Variants in CD109 observed in about 807,000 individuals in gnomAD.
CD109 encodes the protein CD109 molecule.
A neutral mutation model predicts 165.8 loss-of-function variants in CD109; 149 were observed. The observed-to-expected ratio is 0.90, with a 90% CI of 0.79 to 1.03. CD109 has a LOEUF of 1.03. Among genes scored for constraint, CD109 ranks in the 50% least tolerant of loss-of-function variants. CD109 has a pLI of 0.00. For missense variants in CD109, 1,712 were observed against 1,677.8 expected (o/e 1.02, Z -0.36); for synonymous variants, 585 against 592.1 (o/e 0.99, Z 0.18).
At chr6:73,725,930 T>G (rs1772125837) in intron 3 of CD109, among the ~76,000 whole-genome samples, 1 of 152,244 alleles carries the variant, frequency 6.6e-6, no homozygotes, top group African/African-American at 2.4e-5. Flanking sequence ...ATTGAAAGCT[T>G]TATTAGAGAT....
chr6:73,748,007 G>A (rs1773041994), intron 5 of CD109, among the ~76,000 whole-genome samples: 1 of 151,808 alleles, frequency 6.6e-6, no homozygotes, highest in Admixed American at 6.6e-5. Context: ...GTAGCTGGGA[G>A]TACAGGCGTG....
At chr6:73,810,879 A>C in intron 27 of CD109, 113 bp from the exon 28 acceptor site, 1 of 1,024,874 alleles carries the variant, frequency 9.8e-7, no homozygotes, top group Non-Finnish European at 1.4e-6. Context: ...ATCAGGGAGC[A>C]TTCCACTCTG....
chr6:73,788,437 C>T, intron 21 of CD109, 31 bp from the exon 22 acceptor site: 1 of 1,592,752 alleles, frequency 6.3e-7, no homozygotes, highest in Non-Finnish European at 8.6e-7. Context: ...TGAGTAGAGA[C>T]CATGTTAATT....
intron 4 of CD109, among the ~76,000 whole-genome samples, chr6:73,735,475 G>C (rs1772507998): frequency 6.6e-6 from 1 of 151,866 alleles, no homozygotes; most frequent in Non-Finnish European, 1.5e-5. Context: ...CTGGATGTGA[G>C]GATGGAAAGA....
intron 5 of CD109, among the ~76,000 whole-genome samples, chr6:73,750,234 C>G (rs1188912550): frequency 6.6e-6 from 1 of 152,146 alleles, no homozygotes; most frequent in Non-Finnish European, 1.5e-5. Context: ...TCACCCATAT[C>G]AGTTCTAGGG....
At chr6:73,692,341 T>C (rs1413577193), upstream of CD109, among the ~76,000 whole-genome samples, 1 of 152,202 alleles carries the variant, frequency 6.6e-6, no homozygotes, top group Non-Finnish European at 1.5e-5. Flanking sequence ...AGAAGTTTTA[T>C]GCAAAAGAGC....
intron 5 of CD109, among the ~76,000 whole-genome samples, chr6:73,743,112 A>G (rs1772854416): frequency 6.6e-6 from 1 of 152,224 alleles, no homozygotes; most frequent in Non-Finnish European, 1.5e-5. Flanking sequence ...CTTTTTAGGT[A>G]ATCAGCTCAG....
At chr6:73,746,630 T>C (rs111896741) in intron 5 of CD109, among the ~76,000 whole-genome samples, 6,679 of 152,214 alleles carry the variant, frequency 0.044, 519 homozygotes, top group African/African-American at 0.15. Flanking sequence ...GTTTGTCCCT[T>C]GTACTGCATA....
chr6:73,758,888 C>G (rs1246223516), intron 6 of CD109, 56 bp from the exon 7 acceptor site: 1 of 877,338 alleles, frequency 1.1e-6, no homozygotes, highest in East Asian at 2.5e-5. Flanking sequence ...AAAGATTTAC[C>G]CTTGCTTCTT....
At chr6:73,814,388 G>A (rs1775857606) in intron 29 of CD109, among the ~76,000 whole-genome samples, 1 of 152,044 alleles carries the variant, frequency 6.6e-6, no homozygotes, top group African/African-American at 2.4e-5. Context: ...AGAAAGACAC[G>A]GGTCCTCAGG....
chr6:73,776,753 C>T (rs970260836), intron 15 of CD109, among the ~76,000 whole-genome samples: 2 of 151,588 alleles, frequency 1.3e-5, no homozygotes, highest in Non-Finnish European at 2.9e-5. Context: ...GACAGGGTTT[C>T]ACCATGTTGG....
At chr6:73,685,878 T>C in the CD109 span, among the ~76,000 whole-genome samples, 3 of 152,250 alleles carry the variant, frequency 2.0e-5, no homozygotes, top group Admixed American at 1.3e-4. Flanking sequence ...GAGACAATTT[T>C]ACTATTTCCT....
In CD109 at chr6:73,771,457, C is replaced by T. The variant is rs554269869; in HGVS notation, c.1703C>T (p.Ala568Val). Residue 568 changes from alanine (A) to valine (V), a missense_variant, in exon 15 of 33, where the codon GCT becomes GTT. Transcript: ENST00000287097. The part of the protein sequence containing the change: ...KIKLYWSKVK[A>V]EPSEKVSLRI... ...AAGCTATATTGGAGTAAAGTGAAAG[C>T]TGAACCATCTGAGAAAGTCTCTCTT... 3.7e-6 allele frequency: 6 copies of T among 1,606,646 alleles called. No individual in the cohort carries two copies. In the South Asian group the frequency reaches 6.8e-5, roughly 18 times the overall value.
At chr6:73,713,842 A>C (rs1341631982) in intron 2 of CD109, among the ~76,000 whole-genome samples, 1 of 152,174 alleles carries the variant, frequency 6.6e-6, no homozygotes, top group Non-Finnish European at 1.5e-5. Flanking sequence ...CGAGAGCCTC[A>C]TTTGGATTGT....
intron 23 of CD109, among the ~76,000 whole-genome samples, chr6:73,802,249 A>ATGTG (rs1425635749): frequency 7.9e-5 from 10 of 126,834 alleles, no homozygotes; most frequent in African/African-American, 2.9e-4. Flanking sequence ...ACCACTGAGC[A>ATGTG]TGTGTATATG....
At chr6:73,802,824 C>G (rs565885989) in intron 23 of CD109, among the ~76,000 whole-genome samples, 2 of 151,880 alleles carry the variant, frequency 1.3e-5, no homozygotes, top group South Asian at 4.2e-4. Context: ...CTCAGCCTCC[C>G]GAGTAGCTGG....
intron 2 of CD109, among the ~76,000 whole-genome samples, chr6:73,719,666 G>A (rs1771872689): frequency 1.3e-5 from 2 of 152,256 alleles, no homozygotes; most frequent in South Asian, 4.1e-4. Flanking sequence ...AACAAATTCT[G>A]CTACATGGAT....
intron 10 of CD109, 47 bp from the exon 11 acceptor site, chr6:73,765,883 G>A (rs777994712): frequency 8.5e-6 from 11 of 1,297,734 alleles, no homozygotes; most frequent in African/African-American, 7.4e-5. Context: ...GTATTTAATC[G>A]TACTTAAATC....
rs757345165 is a variant in CD109 at position 73,788,478 on chromosome 6, T to C, written c.2567T>C (p.Ile856Thr). 1.2e-6 allele frequency: 2 copies of C among 1,610,028 alleles called. No homozygotes were observed. Among genetic ancestry groups the C allele is most frequent in the Non-Finnish European group, 1.7e-6 (2 of 1,179,134 alleles). ...CATTTTTTTCAACAGGCTGAAGGAA[T>C]AGAAAAATCATATTCACAATCCATC... ...TQMILVKAEG[I>T]EKSYSQSILL... Residue 856 changes from isoleucine (I) to threonine (T), a missense_variant, in exon 22 of 33, where the codon ATA (isoleucine) becomes ACA (threonine). Coordinates refer to ENST00000287097, the MANE Select transcript of CD109 (RefSeq NM_133493.5).
Sources: gnomAD v4.1 joint callset for allele counts (sites outside exome capture counted in the v4.1 genomes callset) on GRCh38, gnomAD v4.1.1 for gene constraint, MANE v1.5 for transcripts, NCBI Gene and HGNC (gene_info 2026-07-23, HGNC 2026-07-21) for gene names.